Variants in KIAA1549L observed in about 807,000 individuals in gnomAD.
The protein encoded by KIAA1549L is KIAA1549 like.
Under a neutral mutation model 160.7 loss-of-function variants are expected in KIAA1549L, and 88 were observed. The ratio of observed to expected loss-of-function variants is 0.55; its 90% CI spans 0.46 to 0.65. KIAA1549L has a LOEUF of 0.65. Ranked by LOEUF, KIAA1549L falls within the 30% of genes least tolerant of loss-of-function variation. The pLI, the probability that KIAA1549L is intolerant of heterozygous loss-of-function variation, is 0.00. For missense variants in KIAA1549L, 2,258 were observed against 2,437.5 expected, an observed-to-expected ratio of 0.93 and a Z score of 1.55; for synonymous variants, 950 against 976.7, an observed-to-expected ratio of 0.97 and a Z score of 0.51.
chr11:33,472,497 A>G (rs1403751972), intron 1 of KIAA1549L, among the ~76,000 whole-genome samples: 1 of 152,084 alleles, frequency 6.6e-6, no homozygotes, highest in Non-Finnish European at 1.5e-5. Context: ...ATATGGCTGT[A>G]CAAGGGAGAC....
At chr11:33,442,282 C>A (rs532626782) in intron 1 of KIAA1549L, among the ~76,000 whole-genome samples, 2 of 146,582 alleles carry the variant, frequency 1.4e-5, no homozygotes, top group Non-Finnish European at 3.0e-5. Context: ...TGATCTATAT[C>A]TCTGTTTTGG....
In KIAA1549L at chr11:33,542,584, A is replaced by G; in HGVS notation, c.1021A>G (p.Thr341Ala). 2 of 1,613,410 alleles carry G rather than the reference A, an allele frequency of 1.2e-6. No individual in the cohort carries two copies. The highest frequency in any genetic ancestry group is 1.7e-6 in the Non-Finnish European group (2 of 1,179,440). The change falls in exon 2 of 21, where the codon ACA becomes GCA. Residue 341 changes from threonine to alanine, a missense_variant. This residue lies in a region of KIAA1549L where 540 missense variants were observed against 465.7 expected (regional missense o/e 1.16). Transcript: ENST00000658780. ...TEGPHSAGSSTPGFLSPMAEL... is the reference protein window; with the variant it reads ...TEGPHSAGSSAPGFLSPMAEL... ...GGGTCCCCATTCAGCAGGTTCATCC[A>G]CACCTGGGTTTTTGAGCCCCATGGC...
chr11:33,627,722 C>T (rs1851158851), intron 16 of KIAA1549L, among the ~76,000 whole-genome samples: 1 of 151,984 alleles, frequency 6.6e-6, no homozygotes, highest in Non-Finnish European at 1.5e-5. Flanking sequence ...TTTGTTGATC[C>T]TTTCAAAAAA....
At chr11:33,593,892 A>C (rs1047927898) in intron 12 of KIAA1549L, among the ~76,000 whole-genome samples, 3 of 152,160 alleles carry the variant, frequency 2.0e-5, no homozygotes, top group African/African-American at 7.2e-5. Flanking sequence ...TAATTACTCT[A>C]TAAGACTGGG....
At position 33,543,755 on chromosome 11, in the gene KIAA1549L, C is replaced by A; in HGVS notation, c.2192C>A (p.Thr731Asn). The change falls in exon 2 of 21, where the codon ACC becomes AAC. Residue 731 changes from threonine to asparagine, a missense_variant. Coordinates refer to ENST00000658780, the MANE Select transcript of KIAA1549L (RefSeq NM_012194.3). Reference protein sequence around the residue: ...NYDLNGHTISTTSWETHLAPT... With the variant: ...NYDLNGHTISNTSWETHLAPT... ...GATTTAAATGGACACACAATTAGCA[C>A]CACAAGTTGGGAAACTCATTTAGCT... The A allele has an allele frequency of 6.2e-7, 1 of 1,614,020 alleles. No individual in the cohort carries two copies. Among genetic ancestry groups the A allele is most frequent in the Non-Finnish European group, 8.5e-7 (1 of 1,179,888 alleles).
At position 33,598,827 on chromosome 11, in the gene KIAA1549L, C is replaced by G. The variant is rs756296222; in HGVS notation, c.4759C>G (p.Pro1587Ala). ...KSTETRKSRS[P>A]SENGSVISNE... Reference sequence around the variant, plus strand: ...TGCTATGGTTACCTCCAGCAGGTCGCCCAGTGAGAATGGCTCTGTCATCAG... The same window carrying G: ...TGCTATGGTTACCTCCAGCAGGTCGGCCAGTGAGAATGGCTCTGTCATCAG... The change falls in exon 13 of 21, where the codon CCC (proline) becomes GCC (alanine). Residue 1587 changes from proline (P) to alanine (A), a missense_variant. Pro to Ala is a conservative substitution (Grantham distance 27). Around this residue, in one of 6 missense-constraint regions of KIAA1549L, gnomAD observed 1,359 missense variants for 1,546.6 expected, o/e 0.88. Transcript: ENST00000658780. The G allele has an allele frequency of 3.1e-6, 5 of 1,613,774 alleles. No individual in the cohort carries two copies. In the Admixed American group the frequency reaches 8.3e-5, roughly 27 times the overall value.
chr11:33,429,055 T>G (rs1365959663), intron 1 of KIAA1549L, among the ~76,000 whole-genome samples: 1 of 152,174 alleles, frequency 6.6e-6, no homozygotes, highest in Non-Finnish European at 1.5e-5. Context: ...CAGTGCAACC[T>G]CCGCCTCCCA....
intron 1 of KIAA1549L, among the ~76,000 whole-genome samples, chr11:33,502,959 G>A (rs993071891): frequency 6.6e-6 from 1 of 152,046 alleles, no homozygotes; most frequent in African/African-American, 2.4e-5. Flanking sequence ...CTTTTTTAAC[G>A]CAAACTTTAT....
At position 33,608,308 on chromosome 11, in the gene KIAA1549L, AATG is replaced by A. The variant is rs887997893; in HGVS notation, c.5062-1429_5062-1427del. Among the ~76,000 whole-genome samples the A allele has an allele frequency of 2.4e-4, 36 of 152,322 alleles. No homozygotes were observed. In the South Asian group the frequency reaches 6.0e-3, roughly 25 times the overall value. ...CAATAAGCACTTTGATGATGATGAT[AATG>A]ATGATGATGATTATTATTATTACTG... On this transcript the variant is annotated intron_variant, in intron 14 of 20. Coordinates refer to ENST00000658780, the MANE Select transcript of KIAA1549L (RefSeq NM_012194.3).
Position 33,397,333 on chromosome 11 carries a change from CAA to C in KIAA1549L, c.238+20459_238+20460del, listed in dbSNP as rs56097253. The stretch of plus-strand genomic sequence containing the variant: ...TTGGTGATGAGGTGAGACTCTGTGT[CAA>C]AAAAAAAAAAAAAATTCAAAAATGA... On this transcript the variant is annotated intron_variant, in intron 1 of 20. Coordinates refer to ENST00000658780, the MANE Select transcript of KIAA1549L (RefSeq NM_012194.3). Among the ~76,000 whole-genome samples the C allele has an allele frequency of 2.4e-3, 320 of 135,112 alleles. 1 individual carries two copies. Among genetic ancestry groups the C allele is most frequent in the African/African-American group, 7.0e-3 (256 of 36,372 alleles). The allele number at this position is 135,112 out of a possible 152,430, so 88.6% of individuals were successfully genotyped here. A position where few individuals can be genotyped will look rare whatever the true frequency, so the allele number is the denominator to read the frequency against.
In KIAA1549L at chr11:33,568,113, C is replaced by T; in HGVS notation, c.4116C>T (p.His1372=). The T allele has an allele frequency of 6.2e-7, 1 of 1,612,684 alleles. No individual in the cohort carries two copies. The highest frequency in any genetic ancestry group is 1.3e-5 in the African/African-American group (1 of 75,016). Residue 1372 remains histidine (H), a synonymous_variant, in exon 9 of 21, where the codon CAC becomes CAT. Coordinates refer to ENST00000658780, the MANE Select transcript of KIAA1549L (RefSeq NM_012194.3). ...TGGACAATTCGCTGGTGGGCCTGCA[C>T]AACCAGAGCTTTGCCCGGGTCATGG... ...QGVDNSLVGL[H]NQSFARVMEQ...
chr11:33,562,505 C>T (rs1235786585), intron 8 of KIAA1549L, among the ~76,000 whole-genome samples: 1 of 152,106 alleles, frequency 6.6e-6, no homozygotes, highest in Non-Finnish European at 1.5e-5. Context: ...CAAGGTGTTA[C>T]AGGATTGGCT....
At chr11:33,414,360 A>G (rs896461410) in intron 1 of KIAA1549L, among the ~76,000 whole-genome samples, 5 of 152,228 alleles carry the variant, frequency 3.3e-5, no homozygotes, top group Non-Finnish European at 7.3e-5. Flanking sequence ...GATGTGATGC[A>G]TAGTATCTAT....
chr11:33,629,698 T>C (rs1851222552), intron 16 of KIAA1549L, among the ~76,000 whole-genome samples: 1 of 151,166 alleles, frequency 6.6e-6, no homozygotes, highest in Non-Finnish European at 1.5e-5. Flanking sequence ...TCTAAATTTT[T>C]TTCAAAGTTT....
chr11:33,549,473 C>G (rs866012891), intron 4 of KIAA1549L, among the ~76,000 whole-genome samples: 2 of 152,206 alleles, frequency 1.3e-5, no homozygotes, highest in African/African-American at 4.8e-5. Context: ...AAGGGAACAA[C>G]TTTCTCACTG....
intron 1 of KIAA1549L, among the ~76,000 whole-genome samples, chr11:33,534,201 G>C (rs935596659): frequency 6.6e-6 from 1 of 152,014 alleles, no homozygotes; most frequent in South Asian, 2.1e-4. Context: ...TCCTGCCTCA[G>C]CCTCCTGAGT....
intron 1 of KIAA1549L, among the ~76,000 whole-genome samples, chr11:33,511,939 T>C (rs762044): frequency 0.41 from 62,000 of 152,066 alleles, 12,842 homozygotes; most frequent in Middle Eastern, 0.55. Flanking sequence ...TGAGTTTGTA[T>C]ACAATAAAGT....
intron 1 of KIAA1549L, among the ~76,000 whole-genome samples, chr11:33,414,543 A>G (rs1850850035): frequency 6.6e-6 from 1 of 152,136 alleles, no homozygotes. Flanking sequence ...GATCAAACGG[A>G]GTGCACATTT....
intron 16 of KIAA1549L, among the ~76,000 whole-genome samples, chr11:33,627,043 A>G (rs1396364077): frequency 1.3e-5 from 1 of 78,194 alleles, no homozygotes; most frequent in Non-Finnish European, 2.4e-5. Flanking sequence ...GGTTCTGTTT[A>G]TATGCTGGAT....
Sources: allele counts gnomAD v4.1 joint callset (sites outside exome capture counted in the v4.1 genomes callset), GRCh38; gene constraint gnomAD v4.1.1; regional missense constraint gnomAD v4.1.1; transcripts MANE v1.5; gene names NCBI Gene and HGNC (gene_info 2026-07-23, HGNC 2026-07-21).